Variants in THSD7B observed in about 807,000 individuals in gnomAD.
THSD7B encodes thrombospondin type-1 domain-containing protein 7B.
A neutral mutation model predicts 213.6 loss-of-function variants in THSD7B; 138 were observed. The ratio of observed to expected loss-of-function variants is 0.65; its 90% CI spans 0.56 to 0.74. The LOEUF is 0.74. Among genes scored for constraint, THSD7B ranks in the 30% least tolerant of loss-of-function variants. The pLI, the probability that THSD7B is intolerant of heterozygous loss-of-function variation, is 0.00. For missense variants in THSD7B, 1,931 were observed against 1,991.5 expected (o/e 0.97, Z 0.58); for synonymous variants, 742 against 687.0 (o/e 1.08, Z -1.25).
intron 14 of THSD7B, among the ~76,000 whole-genome samples, chr2:137,449,717 T>C (rs1687609968): frequency 6.6e-6 from 1 of 152,156 alleles, no homozygotes; most frequent in African/African-American, 2.4e-5. Context: ...CTATTTTCTT[T>C]TTCAAGGCCA....
At chr2:137,058,878 C>T (rs1687217982) in intron 3 of THSD7B, among the ~76,000 whole-genome samples, 1 of 152,270 alleles carries the variant, frequency 6.6e-6, no homozygotes, top group East Asian at 1.9e-4. Context: ...TGTGACTATG[C>T]TGGTACCCTG....
At chr2:137,438,501 C>T (rs190491349) in intron 14 of THSD7B, among the ~76,000 whole-genome samples, 75 of 152,048 alleles carry the variant, frequency 4.9e-4, no homozygotes, top group Admixed American at 2.3e-3. Context: ...CTGCTTGTTG[C>T]GGTGTGAAAG....
chr2:136,815,787 G>A (rs1236831843), intron 1 of THSD7B, among the ~76,000 whole-genome samples: 1 of 152,152 alleles, frequency 6.6e-6, no homozygotes, highest in African/African-American at 2.4e-5. Context: ...ACACAGAGAG[G>A]TTAAATTTTG....
At chr2:136,987,996 C>T (rs1458645735) in intron 2 of THSD7B, among the ~76,000 whole-genome samples, 2 of 152,144 alleles carry the variant, frequency 1.3e-5, no homozygotes, top group Admixed American at 1.3e-4. Context: ...TTATTTTTAA[C>T]AAAACCTTTA....
At chr2:137,214,758 G>A (rs916383793) in intron 7 of THSD7B, among the ~76,000 whole-genome samples, 6 of 152,158 alleles carry the variant, frequency 3.9e-5, no homozygotes, top group African/African-American at 1.2e-4. Flanking sequence ...CAAAGGACAT[G>A]AGCGCATCCT....
At chr2:137,320,814 C>A (rs986747785) in intron 12 of THSD7B, among the ~76,000 whole-genome samples, 1 of 152,150 alleles carries the variant, frequency 6.6e-6, no homozygotes, top group African/African-American at 2.4e-5. Context: ...TCTTCTTCTT[C>A]GACTAATAAC....
At chr2:137,048,179 T>C (rs1243209539) in intron 2 of THSD7B, among the ~76,000 whole-genome samples, 3 of 152,010 alleles carry the variant, frequency 2.0e-5, no homozygotes, top group Non-Finnish European at 4.4e-5. Flanking sequence ...ATGGTCACAC[T>C]GGGAAGAAAG....
intron 15 of THSD7B, among the ~76,000 whole-genome samples, chr2:137,554,437 C>T (rs377407773): frequency 2.5e-4 from 38 of 152,104 alleles, no homozygotes; most frequent in African/African-American, 8.7e-4. Context: ...CATATGTATG[C>T]ATGGAGAGGT....
At chr2:137,439,884 G>A (rs770949835) in intron 14 of THSD7B, among the ~76,000 whole-genome samples, 2 of 151,926 alleles carry the variant, frequency 1.3e-5, no homozygotes, top group South Asian at 2.1e-4. Context: ...CTGGATAACC[G>A]CACAGTCAGG....
intron 17 of THSD7B, among the ~76,000 whole-genome samples, chr2:137,599,152 C>A (rs1380464638): frequency 3.3e-5 from 5 of 149,424 alleles, no homozygotes; most frequent in Non-Finnish European, 5.9e-5. Context: ...TTTTTTCTTG[C>A]GATAGTTTAC....
At chr2:137,534,190 T>C (rs57041502) in intron 15 of THSD7B, among the ~76,000 whole-genome samples, 4,923 of 151,808 alleles carry the variant, frequency 0.032, 275 homozygotes, top group African/African-American at 0.11. Flanking sequence ...TACCATAAAA[T>C]AGAAATAGTT....
At chr2:137,173,477 T>C (rs1004871843) in intron 7 of THSD7B, among the ~76,000 whole-genome samples, 1 of 152,228 alleles carries the variant, frequency 6.6e-6, no homozygotes, top group East Asian at 1.9e-4. Context: ...ATCATCAGCT[T>C]TACTGTTTTA....
At chr2:136,960,208 G>T (rs1166848201) in intron 2 of THSD7B, among the ~76,000 whole-genome samples, 1 of 151,986 alleles carries the variant, frequency 6.6e-6, no homozygotes, top group Non-Finnish European at 1.5e-5. Flanking sequence ...GTTCACTGTG[G>T]CCTCCACCTC....
intron 4 of THSD7B, among the ~76,000 whole-genome samples, chr2:137,105,097 CACA>C (rs1483495279): frequency 1.3e-5 from 2 of 152,246 alleles, no homozygotes; most frequent in South Asian, 2.1e-4. Context: ...CTGGCAGAGA[CACA>C]ACAACAACAA....
At chr2:137,333,424 A>G (rs1407792321) in intron 12 of THSD7B, among the ~76,000 whole-genome samples, 1 of 152,198 alleles carries the variant, frequency 6.6e-6, no homozygotes, top group East Asian at 1.9e-4. Flanking sequence ...ACACGATGGC[A>G]AAGTCCTGTG....
chr2:137,270,574 C>T (rs887883024), intron 10 of THSD7B, among the ~76,000 whole-genome samples: 1 of 152,090 alleles, frequency 6.6e-6, no homozygotes, highest in African/African-American at 2.4e-5. Flanking sequence ...AATGACAGAA[C>T]ATTAATGGGT....
chr2:137,419,488 T>G (rs1312738987), intron 14 of THSD7B, among the ~76,000 whole-genome samples: 1 of 150,898 alleles, frequency 6.6e-6, no homozygotes, highest in African/African-American at 2.4e-5. Flanking sequence ...GATGCCAAGG[T>G]GCCCCCCACC....
At chr2:137,247,923 C>T (rs1422174629) in intron 10 of THSD7B, among the ~76,000 whole-genome samples, 3 of 152,116 alleles carry the variant, frequency 2.0e-5, no homozygotes, top group African/African-American at 7.2e-5. Flanking sequence ...ATATTACCAG[C>T]TACTTCAAAG....
intron 15 of THSD7B, among the ~76,000 whole-genome samples, chr2:137,527,656 A>G (rs1573686435): frequency 6.6e-6 from 1 of 152,060 alleles, no homozygotes; most frequent in African/African-American, 2.4e-5. Context: ...AAAGGTAAAC[A>G]TTAGGCTCCC....
Sources: gnomAD v4.1 joint callset for allele counts (sites outside exome capture counted in the v4.1 genomes callset) on GRCh38, gnomAD v4.1.1 for gene constraint, MANE v1.5 for transcripts, NCBI Gene and HGNC (gene_info 2026-07-23, HGNC 2026-07-21) for gene names.